ADGRE1: variants seen among roughly 807,000 people sequenced by gnomAD.
ADGRE1 encodes EGF-like module receptor 1.
A neutral mutation model predicts 102.7 loss-of-function variants in ADGRE1; 82 were observed. The ratio of observed to expected loss-of-function variants is 0.80; its 90% CI spans 0.67 to 0.96. The LOEUF (loss-of-function observed/expected upper bound fraction) is 0.96. Among genes scored for constraint, ADGRE1 ranks in the 40% least tolerant of loss-of-function variants. The pLI, the probability that ADGRE1 is intolerant of heterozygous loss-of-function variation, is 0.00. For missense variants in ADGRE1, 1,032 were observed against 1,085.3 expected, an observed-to-expected ratio of 0.95 and a Z score of 0.69; for synonymous variants, 398 against 399.6, an observed-to-expected ratio of 1.00 and a Z score of 0.05.
chr19:6,924,853 TAC>T lies in ADGRE1; in HGVS notation c.1971_1972del (p.His657GlnfsTer3). ...GCGAAGACTCTCTTCCTCGCCGGTATACACAAGACTGACAACAAGGTCTACAT... is the reference window on the plus strand; with the variant it reads ...GCGAAGACTCTCTTCCTCGCCGGTATACAAGACTGACAACAAGGTCTACAT... On this transcript the variant is annotated frameshift_variant, in exon 15 of 21. Coordinates refer to ENST00000312053, the MANE Select transcript of ADGRE1 (RefSeq NM_001974.5). LOFTEE classifies it high-confidence loss of function. 8.1e-6 allele frequency: 13 copies of T among 1,614,126 alleles called. No homozygotes were observed. The highest frequency in any genetic ancestry group is 1.1e-5 in the Non-Finnish European group (13 of 1,180,030).
intron 15 of ADGRE1, among the ~76,000 whole-genome samples, chr19:6,925,749 T>G (rs933576102): frequency 6.6e-6 from 1 of 152,104 alleles, no homozygotes; most frequent in Non-Finnish European, 1.5e-5. Flanking sequence ...TCACCCAGGC[T>G]AGAGTGCAGT....
rs567337478 is a variant in ADGRE1 at position 6,926,368 on chromosome 19, G to A, written c.1989G>A (p.Met663Ile). The A allele has an allele frequency of 1.6e-5, 26 of 1,613,818 alleles. No individual in the cohort carries two copies. The Admixed American group carries it at 2.3e-4, about 14-fold the overall frequency. Residue 663 changes from methionine (M) to isoleucine (I), a missense_variant and splice_region_variant, in exon 16 of 21, where the codon ATG becomes ATA. Coordinates refer to ENST00000312053, the MANE Select transcript of ADGRE1 (RefSeq NM_001974.5). ...ATGCGCATGCTTCTCCCCTCCAGAT[G>A]GGCTGCGCCATCATCGCGGGCTTCC... ...LAGIHKTDNK[M>I]GCAIIAGFLH...
Position 6,921,864 on chromosome 19 carries a change from T to C in ADGRE1, c.1772T>C (p.Met591Thr). The change falls in exon 14 of 21, where the codon ATG (methionine) becomes ACG (threonine). Residue 591 changes from methionine to threonine, a missense_variant. Coordinates refer to ENST00000312053, the MANE Select transcript of ADGRE1 (RefSeq NM_001974.5). ...CAGATGGCAAATCTTGCCGTTATCA[T>C]GGCGTCTGGGGAGCTCACGGTCAGT... ...CNQMANLAVI[M>T]ASGELTMDFS... 6.2e-7 allele frequency: 1 copy of C among 1,613,928 alleles called. No individual in the cohort carries two copies. Among genetic ancestry groups the C allele is most frequent in the East Asian group, 2.2e-5 (1 of 44,876 alleles).
chr19:6,937,289 T>G lies in ADGRE1; in HGVS notation c.2428T>G (p.Ser810Ala), dbSNP rs1232899757. The change falls in exon 19 of 21, where the codon TCC becomes GCC. Residue 810 changes from serine (S) to alanine (A), a missense_variant. Transcript: ENST00000312053. ...AFAQLFILGC[S>A]WVLGIFQIGP... ...TGCCCAGCTCTTCATCCTGGGCTGC[T>G]CCTGGGTGCTGGGCATTTTTCAGAT... is the stretch of plus-strand genomic sequence containing the variant. 1 of 1,614,042 alleles carries G rather than the reference T, an allele frequency of 6.2e-7. No homozygotes were observed. The highest frequency in any genetic ancestry group is 1.3e-5 in the African/African-American group (1 of 74,920).
rs1269731726 is a variant in ADGRE1 at position 6,897,260 on chromosome 19, G to A, written c.350G>A (p.Gly117Glu). Residue 117 changes from glycine to glutamate, a missense_variant, in exon 4 of 21, where the codon GGA (glycine) becomes GAA (glutamate). Physicochemically the swap from Gly to Glu is moderately conservative, Grantham distance 98. Transcript: ENST00000312053. ...TTAGATGGTTTCTCTTCTCCCACTG[G>A]AAATGACTGGGTCCCAGGAAAGCCG... is the stretch of plus-strand genomic sequence containing the variant. ...SCLDGFSSPT[G>E]NDWVPGKPGN... The A allele has an allele frequency of 6.2e-7, 1 of 1,613,796 alleles. No individual in the cohort carries two copies. The highest frequency in any genetic ancestry group is 1.1e-5 in the South Asian group (1 of 91,056).
intron 9 of ADGRE1, among the ~76,000 whole-genome samples, chr19:6,907,321 A>C (rs1973999540): frequency 6.6e-6 from 1 of 150,444 alleles, no homozygotes; most frequent in Non-Finnish European, 1.5e-5. Context: ...TGCAATCATC[A>C]CCTCAATCTA....
chr19:6,916,806 T>TA (rs1246477500), intron 12 of ADGRE1, among the ~76,000 whole-genome samples: 1 of 151,404 alleles, frequency 6.6e-6, no homozygotes, highest in East Asian at 1.9e-4. Flanking sequence ...ATGCAATATT[T>TA]AAAATATATC....
intron 10 of ADGRE1, among the ~76,000 whole-genome samples, chr19:6,909,133 CAAA>C (rs35098506): frequency 1.8e-5 from 2 of 114,242 alleles, no homozygotes. Context: ...GACTCCATCT[CAAA>C]AAAAAAAAAA....
chr19:6,931,459 G>T (rs375483905), intron 17 of ADGRE1, among the ~76,000 whole-genome samples: 63 of 152,252 alleles, frequency 4.1e-4, no homozygotes, highest in Middle Eastern at 3.4e-3. Context: ...ATGACAACAC[G>T]AGGGAGGGTC....
chr19:6,912,003 A>G (rs1472272542), intron 10 of ADGRE1, among the ~76,000 whole-genome samples: 1 of 151,812 alleles, frequency 6.6e-6, no homozygotes, highest in Non-Finnish European at 1.5e-5. Context: ...ACACATACAC[A>G]TCCACACACA....
intron 9 of ADGRE1, among the ~76,000 whole-genome samples, chr19:6,907,244 T>G (rs1973995854): frequency 6.6e-6 from 1 of 152,166 alleles, no homozygotes; most frequent in African/African-American, 2.4e-5. Flanking sequence ...ACACATAACA[T>G]AAAATTCACC....
intron 3 of ADGRE1, 87 bp downstream of exon 3, chr19:6,896,628 A>G: frequency 1.4e-6 from 2 of 1,444,012 alleles, no homozygotes; most frequent in South Asian, 1.3e-5. Context: ...GTACTCCCCC[A>G]CCCCCCATTT....
At chr19:6,896,716 G>A (rs1222066352) in intron 3 of ADGRE1, 175 bp downstream of exon 3, 1 of 691,188 alleles carries the variant, frequency 1.4e-6, no homozygotes, top group Non-Finnish European at 2.3e-6. Flanking sequence ...TTGATATGTG[G>A]GGGTGTTGTT....
intron 2 of ADGRE1, among the ~76,000 whole-genome samples, chr19:6,892,049 T>A (rs1973397448): frequency 6.6e-6 from 1 of 152,040 alleles, no homozygotes; most frequent in Non-Finnish European, 1.5e-5. Flanking sequence ...TTGGTGGGTT[T>A]CAGTTGTGAG....
chr19:6,914,018 A>C (rs1433570657), intron 11 of ADGRE1, among the ~76,000 whole-genome samples, 188 bp downstream of exon 11: 4 of 152,272 alleles, frequency 2.6e-5, no homozygotes, highest in African/African-American at 9.6e-5. Context: ...GGCAAAGGCC[A>C]GGCACTGTGC....
intron 13 of ADGRE1, among the ~76,000 whole-genome samples, chr19:6,920,757 G>A (rs1356851164): frequency 6.6e-6 from 1 of 151,950 alleles, no homozygotes; most frequent in Non-Finnish European, 1.5e-5. Context: ...TGATCCACCC[G>A]CCTCAGCCTC....
At chr19:6,933,136 G>A (rs28496566) in intron 17 of ADGRE1, among the ~76,000 whole-genome samples, 79,703 of 151,892 alleles carry the variant, frequency 0.52, 22,844 homozygotes, top group African/African-American at 0.75. Context: ...CAGGAGAATC[G>A]CTTGAACCTG....
intron 7 of ADGRE1, 43 bp downstream of exon 7, chr19:6,903,993 C>G (rs370558006): frequency 9.3e-6 from 15 of 1,613,924 alleles, no homozygotes; most frequent in Middle Eastern, 1.6e-4. Context: ...AGACATTTCT[C>G]TTTGCTCTTC....
intron 13 of ADGRE1, 76 bp downstream of exon 13, chr19:6,919,823 A>G: frequency 7.0e-7 from 1 of 1,432,910 alleles, no homozygotes; most frequent in Non-Finnish European, 9.7e-7. Context: ...CTTAACTCTC[A>G]TTTTTTACGG....
Sources: gnomAD v4.1 joint callset for allele counts (sites outside exome capture counted in the v4.1 genomes callset) on GRCh38, gnomAD v4.1.1 for gene constraint, MANE v1.5 for transcripts, NCBI Gene and HGNC (gene_info 2026-07-23, HGNC 2026-07-21) for gene names.